The following AKAP6 variants were observed in gnomAD, a reference collection of about 807,000 sequenced individuals.
The protein encoded by AKAP6 is A-kinase anchoring protein 6.
AKAP6 carries 58 observed loss-of-function variants against 188.5 expected under a neutral mutation model. The observed-to-expected ratio is 0.31, with a 90% CI of 0.25 to 0.38. The LOEUF (loss-of-function observed/expected upper bound fraction) is 0.38. Ranked by LOEUF, AKAP6 falls within the 10% of genes least tolerant of loss-of-function variation. The pLI is 1.00. For missense variants in AKAP6, 2,710 were observed against 2,740.0 expected (o/e 0.99, Z 0.24); for synonymous variants, 989 against 998.6 (o/e 0.99, Z 0.18).
At chr14:32,777,659 G>A (rs8015273) in intron 12 of AKAP6, among the ~76,000 whole-genome samples, 130,037 of 152,212 alleles carry the variant, frequency 0.85, 55,676 homozygotes, top group Admixed American at 0.88. Context: ...AAAAAAGACA[G>A]AGCAAAATAA....
At chr14:32,354,915 T>A (rs1429460791) in intron 1 of AKAP6, among the ~76,000 whole-genome samples, 1 of 152,204 alleles carries the variant, frequency 6.6e-6, no homozygotes, top group African/African-American at 2.4e-5. Flanking sequence ...TGTAACTAAC[T>A]GTCAGTTCAG....
chr14:32,607,307 T>C (rs1180362150), intron 7 of AKAP6, among the ~76,000 whole-genome samples: 2 of 152,226 alleles, frequency 1.3e-5, no homozygotes, highest in East Asian at 3.8e-4. Context: ...ATGCAATCAA[T>C]GGGAACTGCA....
At chr14:32,481,655 C>T (rs911386993) in intron 2 of AKAP6, among the ~76,000 whole-genome samples, 26 of 152,126 alleles carry the variant, frequency 1.7e-4, no homozygotes, top group African/African-American at 6.3e-4. Flanking sequence ...TTACCTCCCA[C>T]CGGGTCCCTC....
chr14:32,608,830 ATAGAG>A (rs1359634243), intron 7 of AKAP6, among the ~76,000 whole-genome samples: 8 of 152,218 alleles, frequency 5.3e-5, no homozygotes, highest in African/African-American at 1.9e-4. Context: ...TAAATATAAT[ATAGAG>A]TAAACACATT....
intron 2 of AKAP6, among the ~76,000 whole-genome samples, chr14:32,527,961 G>C (rs562351543): frequency 1.9e-4 from 29 of 152,086 alleles, no homozygotes; most frequent in Non-Finnish European, 4.1e-4. Flanking sequence ...AATGAAGTCA[G>C]CTTATTAATT....
intron 1 of AKAP6, among the ~76,000 whole-genome samples, chr14:32,405,145 A>G (rs1889245909): frequency 6.6e-6 from 1 of 152,052 alleles, no homozygotes; most frequent in Admixed American, 6.5e-5. Context: ...ATCAGAAGCC[A>G]GAGGGCAGAG....
At chr14:32,430,968 A>T (rs1890201195) in intron 1 of AKAP6, among the ~76,000 whole-genome samples, 1 of 152,068 alleles carries the variant, frequency 6.6e-6, no homozygotes. Flanking sequence ...AGCCAGGCAT[A>T]GTGGCAGGCA....
At chr14:32,359,884 GA>G (rs1203703202) in intron 1 of AKAP6, among the ~76,000 whole-genome samples, 3 of 152,054 alleles carry the variant, frequency 2.0e-5, no homozygotes, top group Non-Finnish European at 4.4e-5. Flanking sequence ...TATTACTGGT[GA>G]TTTTAACCTT....
chr14:32,744,743 T>C lies in AKAP6; in HGVS notation c.3372+8861T>C, dbSNP rs556627123. ...ACCTCCTCTTTAAGGCCAATAACTC[T>C]TAGATTGGCCCTTTTGAGGCAATTT... On this transcript the variant is annotated intron_variant, in intron 11 of 13. Transcript: ENST00000280979. Among the ~76,000 whole-genome samples the C allele has an allele frequency of 5.9e-5, 9 of 152,318 alleles. No individual in the cohort carries two copies. The South Asian group carries it at 1.9e-3, about 32-fold the overall frequency.
Position 32,690,185 on chromosome 14 carries a change from T to TTTTG in AKAP6, c.2880-5805_2880-5804insTTTG, listed in dbSNP as rs1418808152. ...AGTGTTATATATTTTTTTCAACCAA[T>TTTTG]AATTGCTCTATTTTGATGATTTCTT... On this transcript the variant is annotated intron_variant, in intron 8 of 13. Coordinates refer to ENST00000280979, the MANE Select transcript of AKAP6 (RefSeq NM_004274.5). Among the ~76,000 whole-genome samples the TTTTG allele has an allele frequency of 6.0e-5, 9 of 151,166 alleles. No individual in the cohort carries two copies. In the East Asian group the frequency reaches 1.8e-3, roughly 29 times the overall value.
At chr14:32,492,355 T>TATATATATATATATATATATATAGAG in intron 2 of AKAP6, among the ~76,000 whole-genome samples, 128 of 82,528 alleles carry the variant, frequency 1.6e-3, no homozygotes, top group Non-Finnish European at 2.5e-3. Flanking sequence ...TATATATATA[T>TATATATATATATATATATATATAGAG]AGAGAGAGAG....
intron 9 of AKAP6, among the ~76,000 whole-genome samples, chr14:32,718,678 A>G (rs113966976): frequency 0.014 from 2,179 of 152,288 alleles, 51 homozygotes; most frequent in African/African-American, 0.05. Flanking sequence ...TTCTGTCTGA[A>G]AATTGAGAAT....
chr14:32,826,524 A>C (rs1443665558), intron 13 of AKAP6, among the ~76,000 whole-genome samples: 4 of 152,132 alleles, frequency 2.6e-5, no homozygotes, highest in Admixed American at 2.0e-4. Flanking sequence ...CTGAAAGGGG[A>C]TAAAGGCTTG....
chr14:32,547,380 T>A (rs556872354), intron 4 of AKAP6, among the ~76,000 whole-genome samples: 3 of 152,238 alleles, frequency 2.0e-5, no homozygotes, highest in Admixed American at 2.0e-4. Context: ...TACCCCAGAG[T>A]GTTTTTATTC....
At chr14:32,496,472 C>G (rs569379249) in intron 2 of AKAP6, among the ~76,000 whole-genome samples, 100 of 151,626 alleles carry the variant, frequency 6.6e-4, no homozygotes, top group African/African-American at 2.3e-3. Flanking sequence ...AGAAGGATGT[C>G]TAAGGGGATT....
At chr14:32,644,267 G>A (rs572274997) in intron 7 of AKAP6, among the ~76,000 whole-genome samples, 9 of 152,182 alleles carry the variant, frequency 5.9e-5, no homozygotes, top group Non-Finnish European at 1.3e-4. Flanking sequence ...GGGGTGTTAG[G>A]AATAAGAAAT....
rs2033266488 is a variant in AKAP6, at chr14:32,782,015, C to T, written c.3588+8122C>T. On this transcript the variant is annotated intron_variant, in intron 12 of 13. Transcript: ENST00000280979. Reference sequence around the variant, plus strand: ...CCCATCTCTACTAAAAATACAAAAACTTAGCTGGGCATGGTGGTGCGCGCC... The same window carrying T: ...CCCATCTCTACTAAAAATACAAAAATTTAGCTGGGCATGGTGGTGCGCGCC... 2.0e-5 allele frequency among the ~76,000 whole-genome samples: 3 copies of T among 151,784 alleles called. No individual in the cohort carries two copies. The South Asian group carries it at 6.3e-4, about 32-fold the overall frequency.
chr14:32,443,166 C>T (rs1233779552), intron 2 of AKAP6, among the ~76,000 whole-genome samples: 1 of 152,012 alleles, frequency 6.6e-6, no homozygotes, highest in Admixed American at 6.6e-5. Flanking sequence ...GCGGCCGAGG[C>T]AGGTGGATCA....
At chr14:32,453,575 CTT>C (rs71115071) in intron 2 of AKAP6, among the ~76,000 whole-genome samples, 1 of 95,354 alleles carries the variant, frequency 1.0e-5, no homozygotes. Flanking sequence ...TTTTTCTTTT[CTT>C]TTTTTTTTTT....
Sources: gnomAD v4.1 joint callset for allele counts (sites outside exome capture counted in the v4.1 genomes callset) on GRCh38, gnomAD v4.1.1 for gene constraint, MANE v1.5 for transcripts, NCBI Gene and HGNC (gene_info 2026-07-23, HGNC 2026-07-21) for gene names.